The following CCDC83 variants were observed in gnomAD, a reference collection of about 807,000 sequenced individuals.
CCDC83 encodes coiled-coil domain containing 83, also known as coiled-coil domain-containing protein 83.
A neutral mutation model predicts 50.1 loss-of-function variants in CCDC83; 54 were observed. The ratio of observed to expected loss-of-function variants is 1.08; its 90% CI spans 0.87 to 1.35. The LOEUF is 1.35. Ranked by LOEUF, CCDC83 falls within the 40% of genes most tolerant of loss-of-function variation. The pLI, the probability that CCDC83 is intolerant of heterozygous loss-of-function variation, is 0.00. For synonymous variants in CCDC83, 161 were observed against 153.3 expected (o/e 1.05, Z -0.37); for missense variants, 518 against 473.9 (o/e 1.09, Z -0.86).
At chr11:85,915,664 C>A (rs1317514314) in intron 9 of CCDC83, among the ~76,000 whole-genome samples, 166 bp downstream of exon 9, 3 of 152,204 alleles carry the variant, frequency 2.0e-5, no homozygotes, top group Non-Finnish European at 4.4e-5. Flanking sequence ...TTGTCCTAAT[C>A]TATCTCCTGT....
chr11:85,880,072 A>G (rs2093291380), intron 3 of CCDC83, among the ~76,000 whole-genome samples: 1 of 152,166 alleles, frequency 6.6e-6, no homozygotes, highest in Non-Finnish European at 1.5e-5. Flanking sequence ...TTTCAAAATC[A>G]TTTTAGCTAT....
At chr11:85,881,787 GT>G (rs775460757) in intron 3 of CCDC83, among the ~76,000 whole-genome samples, 1 of 152,076 alleles carries the variant, frequency 6.6e-6, no homozygotes, top group Non-Finnish European at 1.5e-5. Flanking sequence ...GTAAGGTGTG[GT>G]TTTTCTCTGA....
chr11:85,907,736 A>G (rs1182402993), intron 7 of CCDC83, among the ~76,000 whole-genome samples: 2 of 152,172 alleles, frequency 1.3e-5, no homozygotes, highest in African/African-American at 2.4e-5. Context: ...CGAGGGAGAT[A>G]GCTATTGAGG....
At position 85,895,281 on chromosome 11, in the gene CCDC83, TTTTTTTTA is replaced by T. The variant is rs1171847057; in HGVS notation, c.512-11_512-4del. 2.2e-6 allele frequency: 2 copies of T among 896,546 alleles called. No individual in the cohort carries two copies. The highest frequency in any genetic ancestry group is 3.3e-6 in the Non-Finnish European group (2 of 601,364). 55.5% of individuals were successfully genotyped at this position (896,546 alleles called of 1,614,324 possible). Reference sequence around the variant, plus strand: ...TTAATTTTCTTTTTTTTTTTTTTTTTTTTTTTTAAAGAACACTATAAAATCACTCTGGA... The same window carrying T: ...TTAATTTTCTTTTTTTTTTTTTTTTTAAGAACACTATAAAATCACTCTGGA... On this transcript the variant is annotated splice_region_variant and splice_polypyrimidine_tract_variant and intron_variant, in intron 5 of 10. Transcript: ENST00000342404.
chr11:85,919,428 A>C lies in CCDC83; in HGVS notation c.1160A>C (p.Lys387Thr). 1 of 1,613,420 alleles carries C rather than the reference A, an allele frequency of 6.2e-7. No individual in the cohort carries two copies. Among genetic ancestry groups the C allele is most frequent in the Non-Finnish European group, 8.5e-7 (1 of 1,179,430 alleles). Reference protein sequence around the residue: ...SKKMPIHFQEKEIPVKLYKDV... With the variant: ...SKKMPIHFQETEIPVKLYKDV... ...AAAATGCCCATTCATTTTCAAGAGA[A>C]GGAAATTCCAGTCAAACTCTATAAA... Residue 387 changes from lysine (K) to threonine (T), a missense_variant, in exon 11 of 11, where the codon AAG becomes ACG. Coordinates refer to ENST00000342404, the MANE Select transcript of CCDC83 (RefSeq NM_001286159.2).
At chr11:85,873,341 A>T (rs778082744) in intron 3 of CCDC83, 46 bp downstream of exon 3, 1 of 723,966 alleles carries the variant, frequency 1.4e-6, no homozygotes, top group Non-Finnish European at 2.2e-6. Flanking sequence ...AAATATTTAC[A>T]CTCATGCTTT....
At chr11:85,860,631 A>G (rs951201680) in intron 1 of CCDC83, among the ~76,000 whole-genome samples, 4 of 152,340 alleles carry the variant, frequency 2.6e-5, no homozygotes, top group East Asian at 1.9e-4. Context: ...CAATCTCGCT[A>G]CTGGATATAT....
intron 2 of CCDC83, among the ~76,000 whole-genome samples, chr11:85,871,634 T>C (rs914047703): frequency 1.3e-5 from 2 of 152,208 alleles, no homozygotes; most frequent in African/African-American, 4.8e-5. Flanking sequence ...CTTATTTTAA[T>C]CCTTACGATA....
chr11:85,896,230 C>A (rs1399891487), intron 6 of CCDC83, among the ~76,000 whole-genome samples: 2 of 151,826 alleles, frequency 1.3e-5, no homozygotes, highest in Non-Finnish European at 2.9e-5. Context: ...AGTTTGAGAT[C>A]AAGCTTGGGC....
intron 5 of CCDC83, among the ~76,000 whole-genome samples, chr11:85,894,464 G>C (rs974028762): frequency 6.6e-6 from 1 of 152,116 alleles, no homozygotes; most frequent in African/African-American, 2.4e-5. Context: ...AGTAGTACAG[G>C]TTCCTCATTT....
chr11:85,897,110 G>T (rs2093379313), intron 6 of CCDC83, among the ~76,000 whole-genome samples: 1 of 152,192 alleles, frequency 6.6e-6, no homozygotes, highest in Non-Finnish European at 1.5e-5. Flanking sequence ...TAAGTAATCG[G>T]ACCATAGTTA....
intron 5 of CCDC83, among the ~76,000 whole-genome samples, chr11:85,891,693 C>T (rs537657486): frequency 6.6e-6 from 1 of 152,320 alleles, no homozygotes; most frequent in South Asian, 2.1e-4. Flanking sequence ...CCTATAAAAT[C>T]AGAGTCCCTA....
intron 3 of CCDC83, among the ~76,000 whole-genome samples, chr11:85,874,210 T>C (rs1443145817): frequency 2.0e-5 from 3 of 152,228 alleles, no homozygotes; most frequent in Admixed American, 2.0e-4. Context: ...TCTGACACTA[T>C]CACGATTCTT....
intron 7 of CCDC83, among the ~76,000 whole-genome samples, chr11:85,910,232 GT>G (rs1373087341): frequency 1.3e-5 from 2 of 152,138 alleles, no homozygotes; most frequent in African/African-American, 4.8e-5. Context: ...TTCCATTATG[GT>G]TATTATCATG....
At chr11:85,894,681 G>C (rs553438003) in intron 5 of CCDC83, among the ~76,000 whole-genome samples, 2 of 152,004 alleles carry the variant, frequency 1.3e-5, no homozygotes, top group East Asian at 3.9e-4. Flanking sequence ...TTTTTTTTCT[G>C]TCTTAACCAG....
chr11:85,864,355 G>A (rs540298202), intron 1 of CCDC83, among the ~76,000 whole-genome samples: 4 of 152,250 alleles, frequency 2.6e-5, no homozygotes, highest in African/African-American at 9.6e-5. Context: ...ATGTGTTAAG[G>A]AAGACTATAA....
intron 3 of CCDC83, among the ~76,000 whole-genome samples, chr11:85,881,367 C>T (rs562844000): frequency 6.6e-6 from 1 of 150,608 alleles, no homozygotes; most frequent in East Asian, 1.9e-4. Context: ...AGCAAGACTC[C>T]ATCCCCCCCC....
At chr11:85,893,236 G>A (rs1471871290) in intron 5 of CCDC83, among the ~76,000 whole-genome samples, 2 of 152,236 alleles carry the variant, frequency 1.3e-5, no homozygotes, top group South Asian at 2.1e-4. Flanking sequence ...CAGGGATACA[G>A]TAATGAAAAG....
At chr11:85,912,796 T>C in intron 8 of CCDC83, 1 of 1,051,550 alleles carries the variant, frequency 9.5e-7, no homozygotes, top group Non-Finnish European at 1.5e-6. Flanking sequence ...CCCTCTTTTC[T>C]GAACTGGCTA....
Sources: allele counts gnomAD v4.1 joint callset (sites outside exome capture counted in the v4.1 genomes callset), GRCh38; gene constraint gnomAD v4.1.1; transcripts MANE v1.5; gene names NCBI Gene and HGNC (gene_info 2026-07-23, HGNC 2026-07-21).